NCS1: variants seen among roughly 807,000 people sequenced by gnomAD.
NCS1 encodes the protein neuronal calcium sensor 1, also known as frequenin homolog.
NCS1 carries 6 observed loss-of-function variants against 28.4 expected under a neutral mutation model. That is an observed-to-expected ratio of 0.21 (90% CI 0.12 to 0.42). The LOEUF (loss-of-function observed/expected upper bound fraction) is 0.42. NCS1 is among the 10% of genes least tolerant of loss of function. The probability of loss-of-function intolerance (pLI) is 1.00; values close to 1 mark genes in which losing one functional copy is unlikely to be tolerated. For synonymous variants in NCS1, 86 were observed against 99.3 expected (o/e 0.87, Z 0.79); for missense variants, 131 against 241.4 (o/e 0.54, Z 3.03).
intron 2 of NCS1, among the ~76,000 whole-genome samples, chr9:130,201,243 C>G (rs1447271699): frequency 6.6e-6 from 1 of 152,074 alleles, no homozygotes; most frequent in Non-Finnish European, 1.5e-5. Context: ...ACCACCAAGG[C>G]CTGAAGGGTT....
At chr9:130,221,321 G>A (rs1323496918) in intron 4 of NCS1, among the ~76,000 whole-genome samples, 1 of 142,582 alleles carries the variant, frequency 7.0e-6, no homozygotes, top group Non-Finnish European at 1.5e-5. Flanking sequence ...ACCGTGCCTG[G>A]CCCTGTTATT....
At chr9:130,210,044 T>G (rs1321759062) in intron 2 of NCS1, among the ~76,000 whole-genome samples, 1 of 151,884 alleles carries the variant, frequency 6.6e-6, no homozygotes, top group African/African-American at 2.4e-5. Context: ...AGTTACTGGG[T>G]GGGGAGGGGC....
intron 4 of NCS1, among the ~76,000 whole-genome samples, chr9:130,222,114 G>GTATATA (rs10658970): frequency 6.6e-5 from 5 of 76,160 alleles, no homozygotes; most frequent in African/African-American, 1.9e-4. Flanking sequence ...ATATATATAC[G>GTATATA]TATATATATA....
Position 130,219,952 on chromosome 9 carries a change from CT to C in NCS1, c.307+150del. 1.2e-6 allele frequency: 1 copy of C among 862,968 alleles called. No homozygotes were observed. The highest frequency in any genetic ancestry group is 1.5e-5 in the South Asian group (1 of 68,560). 53.5% of individuals were successfully genotyped at this position (862,968 alleles called of 1,614,324 possible). A position where few individuals can be genotyped will look rare whatever the true frequency, so the allele number is the denominator to read the frequency against. On this transcript the variant is annotated intron_variant, in intron 4 of 7. Transcript: ENST00000372398. The surrounding 1 kb of genome is among the most constrained non-coding windows in gnomAD (Gnocchi z 5.7). ...CCAGCTGTGTCTGCAGAGGGCAGGCCTGGGCCCTGGGCAGGTGGCCCTCACA... is the reference window on the plus strand; with the variant it reads ...CCAGCTGTGTCTGCAGAGGGCAGGCCGGGCCCTGGGCAGGTGGCCCTCACA...
chr9:130,219,701 G>A lies in NCS1; in HGVS notation c.229-24G>A. 1 of 1,612,898 alleles carries A rather than the reference G, an allele frequency of 6.2e-7. No individual in the cohort carries two copies. Among genetic ancestry groups the A allele is most frequent in the Non-Finnish European group, 8.5e-7 (1 of 1,178,864 alleles). On this transcript the variant is annotated intron_variant, in intron 3 of 7. Transcript: ENST00000372398. This position sits in a 1 kb window ranked among gnomAD's most constrained non-coding sequence, Gnocchi z 5.7. ...GGTGGCCTGGCCGGCACTGACTGAGGCAATCCCCTCTCTCTCCTGTCAGGA... is the reference window on the plus strand; with the variant it reads ...GGTGGCCTGGCCGGCACTGACTGAGACAATCCCCTCTCTCTCCTGTCAGGA...
At chr9:130,188,172 C>G (rs1554905840) in intron 1 of NCS1, among the ~76,000 whole-genome samples, 18 of 152,238 alleles carry the variant, frequency 1.2e-4, no homozygotes, top group Non-Finnish European at 4.4e-5. Context: ...GCTGTGTTCT[C>G]TCCACCTGGA....
chr9:130,197,192 G>A (rs73545543), intron 1 of NCS1, among the ~76,000 whole-genome samples: 6,663 of 152,292 alleles, frequency 0.044, 488 homozygotes, highest in African/African-American at 0.15. Flanking sequence ...TTTGATCAAG[G>A]ACGGTGGCTT....
chr9:130,198,982 C>T (rs1377688254), intron 1 of NCS1, among the ~76,000 whole-genome samples: 3 of 152,350 alleles, frequency 2.0e-5, no homozygotes, highest in Admixed American at 2.0e-4. Context: ...TGAACCCGTT[C>T]CTGCCCCATA....
chr9:130,221,165 A>G (rs1422833878), intron 4 of NCS1, among the ~76,000 whole-genome samples: 1 of 151,792 alleles, frequency 6.6e-6, no homozygotes, highest in Non-Finnish European at 1.5e-5. Flanking sequence ...CTGGGATTAC[A>G]GGCATGTGCC....
At chr9:130,221,397 TATATATATATATATATAG>T (rs1301498756) in intron 4 of NCS1, among the ~76,000 whole-genome samples, 771 of 61,158 alleles carry the variant, frequency 0.013, 10 homozygotes, top group African/African-American at 0.04. Context: ...TATATATATA[TATATATATATATATATAG>T]AGAGAGAGAG....
intron 2 of NCS1, among the ~76,000 whole-genome samples, chr9:130,208,683 C>G (rs1245015495): frequency 3.9e-5 from 6 of 152,240 alleles, no homozygotes; most frequent in Non-Finnish European, 7.3e-5. Flanking sequence ...ACACGGCCAG[C>G]TGTTGATTCT....
rs543458073 is a variant in NCS1 at position 130,181,971 on chromosome 9, G to C, written c.64+9244G>C. Among the ~76,000 whole-genome samples the C allele has an allele frequency of 1.3e-5, 2 of 152,012 alleles. No homozygotes were observed. The highest frequency in any genetic ancestry group is 2.9e-5 in the Non-Finnish European group (2 of 67,964). ...GGGAGGCACAGACAGGCCGGGAGCC[G>C]CGCCAAAGGCTGGGAGCTCAGCTGC... On this transcript the variant is annotated intron_variant, in intron 1 of 7. Coordinates refer to ENST00000372398, the MANE Select transcript of NCS1 (RefSeq NM_014286.4). This position sits in a 1 kb window ranked among gnomAD's most constrained non-coding sequence, Gnocchi z 5.0.
At chr9:130,172,890 C>T (rs1460515500) in intron 1 of NCS1, among the ~76,000 whole-genome samples, 163 bp downstream of exon 1, 1 of 150,484 alleles carries the variant, frequency 6.6e-6, no homozygotes, top group African/African-American at 2.4e-5. Context: ...TCCCGGGCCG[C>T]GCCCCTGCCC....
rs976491734 is a variant in NCS1 at position 130,191,982 on chromosome 9, C to T, written c.65-8976C>T. ...TGGAGGGCAGAAGGGCTGGGGAACG[C>T]GCGGCGAGTGGGTCAGGGCGAGGGG... is the stretch of plus-strand genomic sequence containing the variant. On this transcript the variant is annotated intron_variant, in intron 1 of 7. Transcript: ENST00000372398. This position sits in a 1 kb window ranked among gnomAD's most constrained non-coding sequence, Gnocchi z 6.4. Among the ~76,000 whole-genome samples the T allele has an allele frequency of 2.0e-4, 31 of 152,062 alleles. No homozygotes were observed. Among genetic ancestry groups the T allele is most frequent in the African/African-American group, 3.9e-4 (16 of 41,402 alleles).
intron 2 of NCS1, among the ~76,000 whole-genome samples, chr9:130,217,046 T>C (rs1833201092): frequency 6.6e-6 from 1 of 152,202 alleles, no homozygotes; most frequent in African/African-American, 2.4e-5. Context: ...TGTGGTTACA[T>C]GCACCATGTC....
At chr9:130,222,790 T>A in intron 5 of NCS1, 52 bp downstream of exon 5, 1 of 1,554,088 alleles carries the variant, frequency 6.4e-7, no homozygotes, top group Non-Finnish European at 8.9e-7. Flanking sequence ...GCAAAGCCAG[T>A]GACTGAGAGA....
intron 2 of NCS1, among the ~76,000 whole-genome samples, chr9:130,204,149 T>C (rs1554907800): frequency 6.6e-6 from 1 of 152,100 alleles, no homozygotes; most frequent in Non-Finnish European, 1.5e-5. Context: ...CACACCACCA[T>C]GCCTGGCTAA....
At chr9:130,227,257 C>T (rs1289301563) in intron 7 of NCS1, among the ~76,000 whole-genome samples, 1 of 152,104 alleles carries the variant, frequency 6.6e-6, no homozygotes, top group Admixed American at 6.6e-5. Context: ...TTTCCTTCTC[C>T]TCTCCTCCCT....
chr9:130,225,566 T>C (rs2131159138), intron 6 of NCS1, among the ~76,000 whole-genome samples: 1 of 152,340 alleles, frequency 6.6e-6, no homozygotes, highest in African/African-American at 2.4e-5. Flanking sequence ...GAATCTGACT[T>C]CTCCGTTTCC....
Sources: gnomAD v4.1 joint callset for allele counts (sites outside exome capture counted in the v4.1 genomes callset) on GRCh38, gnomAD v4.1.1 for gene constraint, Gnocchi (gnomAD v3.1) non-coding constraint, MANE v1.5 for transcripts, NCBI Gene and HGNC (gene_info 2026-07-23, HGNC 2026-07-21) for gene names.